The following SGCZ variants were observed in gnomAD, a reference collection of about 807,000 sequenced individuals.
SGCZ encodes sarcoglycan zeta.
SGCZ carries 40 observed loss-of-function variants against 41.3 expected under a neutral mutation model. That is an observed-to-expected ratio of 0.97 (90% CI 0.75 to 1.26). SGCZ has a LOEUF of 1.26. Ranked by LOEUF, SGCZ falls within the 50% of genes most tolerant of loss-of-function variation. The probability of loss-of-function intolerance (pLI) is 0.00; values close to 1 mark genes in which losing one functional copy is unlikely to be tolerated. For missense variants in SGCZ, 552 were observed against 369.8 expected (o/e 1.49, Z -4.04); for synonymous variants, 206 against 137.5 (o/e 1.50, Z -3.49).
intron 2 of SGCZ, among the ~76,000 whole-genome samples, chr8:14,330,957 G>T (rs551132062): frequency 6.6e-6 from 1 of 151,944 alleles, no homozygotes; most frequent in South Asian, 2.1e-4. Context: ...ATCTTTTCTG[G>T]ATAAAACCAA....
At chr8:14,148,409 A>G (rs984269995) in intron 5 of SGCZ, among the ~76,000 whole-genome samples, 3 of 152,242 alleles carry the variant, frequency 2.0e-5, no homozygotes, top group Non-Finnish European at 4.4e-5. Context: ...GAGCAACTAT[A>G]TGACAACAAA....
At chr8:14,697,603 A>G (rs1009803937) in intron 1 of SGCZ, among the ~76,000 whole-genome samples, 1 of 151,934 alleles carries the variant, frequency 6.6e-6, no homozygotes. Context: ...ACTTTGTCTC[A>G]GGCATAGTGT....
At chr8:15,230,024 G>A (rs901937789) in intron 1 of SGCZ, among the ~76,000 whole-genome samples, 1 of 152,162 alleles carries the variant, frequency 6.6e-6, no homozygotes, top group African/African-American at 2.4e-5. Flanking sequence ...TAGATTTAAA[G>A]TTTGCATTTT....
intron 5 of SGCZ, among the ~76,000 whole-genome samples, chr8:14,132,892 T>G (rs1038570801): frequency 6.6e-6 from 1 of 152,198 alleles, no homozygotes; most frequent in African/African-American, 2.4e-5. Context: ...TAGTGACTTT[T>G]GTTAACTTTT....
At chr8:14,633,201 G>C (rs1806715880) in intron 1 of SGCZ, among the ~76,000 whole-genome samples, 2 of 151,782 alleles carry the variant, frequency 1.3e-5, no homozygotes, top group Non-Finnish European at 2.9e-5. Context: ...AATTCATCTG[G>C]CATTATTCTA....
intron 1 of SGCZ, among the ~76,000 whole-genome samples, chr8:14,824,462 T>C (rs888926966): frequency 6.6e-6 from 1 of 152,120 alleles, no homozygotes; most frequent in Non-Finnish European, 1.5e-5. Flanking sequence ...ATAAAATTCC[T>C]CATTGTTACT....
intron 1 of SGCZ, among the ~76,000 whole-genome samples, chr8:14,776,676 G>C (rs1585251334): frequency 1.3e-5 from 2 of 151,708 alleles, no homozygotes; most frequent in Non-Finnish European, 2.9e-5. Context: ...TGTATTTTTA[G>C]TAGAGGCGGG....
chr8:14,386,970 C>G (rs1804599751), intron 2 of SGCZ, among the ~76,000 whole-genome samples: 1 of 152,124 alleles, frequency 6.6e-6, no homozygotes, highest in Non-Finnish European at 1.5e-5. Context: ...TTCATAGAAT[C>G]TAGTTTTGTT....
At chr8:14,188,422 T>C (rs1804975994) in intron 4 of SGCZ, among the ~76,000 whole-genome samples, 1 of 144,590 alleles carries the variant, frequency 6.9e-6, no homozygotes, top group Middle Eastern at 3.3e-3. Context: ...GAAAACATTA[T>C]GTTTGGTGAA....
intron 1 of SGCZ, among the ~76,000 whole-genome samples, chr8:14,741,347 C>A (rs561281887): frequency 1.3e-5 from 2 of 152,114 alleles, no homozygotes; most frequent in South Asian, 2.1e-4. Flanking sequence ...ACTGTGTTTG[C>A]ATTTACAGTA....
chr8:14,670,647 G>A lies in SGCZ; in HGVS notation c.40-115721C>T, dbSNP rs562851557. On this transcript the variant is annotated intron_variant, in intron 1 of 7. Transcript: ENST00000382080. The stretch of plus-strand genomic sequence containing the variant: ...TAGTACATTTAAATTGGAACACAAT[G>A]TATAATATTAAGAACACCAACAACA... Among the ~76,000 whole-genome samples, 5 of 152,264 alleles carry A rather than the reference G, an allele frequency of 3.3e-5. 1 individual carries two copies. In the East Asian group the frequency reaches 7.7e-4, roughly 24 times the overall value.
chr8:14,442,506 T>G (rs1191307514), intron 2 of SGCZ, among the ~76,000 whole-genome samples: 1 of 152,156 alleles, frequency 6.6e-6, no homozygotes, highest in East Asian at 1.9e-4. Flanking sequence ...TAATACACCC[T>G]TCTTAATGCC....
At chr8:14,719,432 G>C (rs1262185772) in intron 1 of SGCZ, among the ~76,000 whole-genome samples, 1 of 150,836 alleles carries the variant, frequency 6.6e-6, no homozygotes, top group Non-Finnish European at 1.5e-5. Context: ...TCGCCACACT[G>C]ACTTCCACAA....
intron 3 of SGCZ, among the ~76,000 whole-genome samples, chr8:14,264,528 A>T (rs983965241): frequency 7.2e-5 from 11 of 152,196 alleles, no homozygotes; most frequent in African/African-American, 1.9e-4. Context: ...CTAGTGCTGA[A>T]CATGGGGCAA....
chr8:14,379,536 A>G (rs1180394626), intron 2 of SGCZ, among the ~76,000 whole-genome samples: 1 of 152,204 alleles, frequency 6.6e-6, no homozygotes, highest in East Asian at 1.9e-4. Context: ...TCATGAAGAC[A>G]TTAAATTTTC....
chr8:14,610,401 C>A (rs964368193), intron 1 of SGCZ, among the ~76,000 whole-genome samples: 2 of 152,132 alleles, frequency 1.3e-5, no homozygotes, highest in African/African-American at 4.8e-5. Context: ...TAGAATAATT[C>A]TTCTTCTTTA....
At position 14,288,732 on chromosome 8, in the gene SGCZ, T is replaced by C. The variant is rs145012722; in HGVS notation, c.336+35371A>G. ...ACATTTTGGTCAATGTAAATAGTAC[T>C]GTTATGACCATTTGTGTACAAGTTT... On this transcript the variant is annotated intron_variant, in intron 3 of 7. Transcript: ENST00000382080. Among the ~76,000 whole-genome samples, 669 of 152,324 alleles carry C rather than the reference T, an allele frequency of 4.4e-3. 14 individuals are homozygous for C. The highest frequency in any genetic ancestry group is 2.2e-3 in the Non-Finnish European group (152 of 68,022).
intron 1 of SGCZ, among the ~76,000 whole-genome samples, chr8:14,574,436 TG>T (rs1804648986): frequency 6.6e-6 from 1 of 152,096 alleles, no homozygotes; most frequent in African/African-American, 2.4e-5. Flanking sequence ...CTGTGTAAGC[TG>T]GCCATAAATA....
intron 1 of SGCZ, among the ~76,000 whole-genome samples, chr8:14,580,466 TATC>T (rs551477860): frequency 2.6e-4 from 39 of 152,286 alleles, no homozygotes; most frequent in East Asian, 1.4e-3. Flanking sequence ...AAATTATTCT[TATC>T]ATAATTATCT....
Sources: gnomAD v4.1 joint callset for allele counts (sites outside exome capture counted in the v4.1 genomes callset) on GRCh38, gnomAD v4.1.1 for gene constraint, MANE v1.5 for transcripts, NCBI Gene and HGNC (gene_info 2026-07-23, HGNC 2026-07-21) for gene names.